RANBP2: variants seen among roughly 807,000 people sequenced by gnomAD.
RANBP2 encodes RAN binding protein 2, also known as E3 SUMO-protein ligase RanBP2.
A neutral mutation model predicts 303.6 loss-of-function variants in RANBP2; 57 were observed. The ratio of observed to expected loss-of-function variants is 0.19; its 90% CI spans 0.15 to 0.23. The LOEUF (loss-of-function observed/expected upper bound fraction) is 0.23. RANBP2 is among the 10% of genes least tolerant of loss of function. The probability of loss-of-function intolerance (pLI) is 1.00; values close to 1 mark genes in which losing one functional copy is unlikely to be tolerated. For missense variants in RANBP2, 3,138 were observed against 3,780.8 expected, an observed-to-expected ratio of 0.83 and a Z score of 4.46; for synonymous variants, 1,167 against 1,301.5, an observed-to-expected ratio of 0.90 and a Z score of 2.23.
chr2:109,401,953 GA>G, the RANBP2 span, among the ~76,000 whole-genome samples: 1 of 152,224 alleles, frequency 6.6e-6, no homozygotes, highest in African/African-American at 2.4e-5. Context: ...AGTTCGACTT[GA>G]AGCGAAAGTC....
chr2:109,056,309 G>C, the RANBP2 span, among the ~76,000 whole-genome samples: 4 of 152,300 alleles, frequency 2.6e-5, no homozygotes, highest in East Asian at 7.7e-4. Flanking sequence ...TAGGTCTAGA[G>C]ATGCAGGCCA....
chr2:108,822,685 A>G, the RANBP2 span, among the ~76,000 whole-genome samples: 1 of 152,186 alleles, frequency 6.6e-6, no homozygotes, highest in Non-Finnish European at 1.5e-5. Context: ...TTAAAAACTC[A>G]CTCTACAGCA....
At chr2:109,547,844 A>G in the RANBP2 span, among the ~76,000 whole-genome samples, 9 of 152,340 alleles carry the variant, frequency 5.9e-5, no homozygotes, top group African/African-American at 2.2e-4. Context: ...ATAACAAAAA[A>G]TAGGAAACTC....
At chr2:109,079,356 T>C in the RANBP2 span, among the ~76,000 whole-genome samples, 1 of 152,206 alleles carries the variant, frequency 6.6e-6, no homozygotes, top group African/African-American at 2.4e-5. Context: ...TGACTGTTTG[T>C]GTTATCTGCA....
intron 28 of RANBP2, among the ~76,000 whole-genome samples, chr2:108,783,071 A>T (rs1303235311): frequency 6.6e-6 from 1 of 152,046 alleles, no homozygotes; most frequent in Non-Finnish European, 1.5e-5. Flanking sequence ...GGGCACAATG[A>T]CTCATACCTG....
At chr2:109,492,490 C>A in the RANBP2 span, among the ~76,000 whole-genome samples, 1 of 152,178 alleles carries the variant, frequency 6.6e-6, no homozygotes, top group Non-Finnish European at 1.5e-5. Flanking sequence ...TCAGAACACT[C>A]AGCAGTGGGC....
the RANBP2 span, among the ~76,000 whole-genome samples, chr2:109,534,449 A>T: frequency 6.6e-6 from 1 of 152,190 alleles, no homozygotes; most frequent in Non-Finnish European, 1.5e-5. Flanking sequence ...AGGACAACAG[A>T]ATAAGCAATA....
At chr2:108,866,937 C>T in the RANBP2 span, among the ~76,000 whole-genome samples, 3 of 151,258 alleles carry the variant, frequency 2.0e-5, no homozygotes, top group African/African-American at 7.3e-5. Context: ...TTCCCTTTTC[C>T]TCCCCTGTAT....
the RANBP2 span, among the ~76,000 whole-genome samples, chr2:108,880,160 T>TA: frequency 7.3e-6 from 1 of 137,798 alleles, no homozygotes; most frequent in African/African-American, 2.9e-5. Flanking sequence ...GAAAAGATAA[T>TA]AAAATTAATA....
At chr2:109,278,799 G>A in the RANBP2 span, among the ~76,000 whole-genome samples, 1 of 152,214 alleles carries the variant, frequency 6.6e-6, no homozygotes, top group African/African-American at 2.4e-5. Flanking sequence ...CCTGTATCTT[G>A]TTTGTGGGTA....
the RANBP2 span, among the ~76,000 whole-genome samples, chr2:109,547,913 T>C: frequency 6.6e-6 from 1 of 152,156 alleles, no homozygotes; most frequent in African/African-American, 2.4e-5. Flanking sequence ...CTGTTACAGG[T>C]GCAAAAGAGA....
the RANBP2 span, among the ~76,000 whole-genome samples, chr2:108,941,149 G>A: frequency 2.6e-5 from 4 of 152,234 alleles, no homozygotes; most frequent in South Asian, 2.1e-4. Context: ...ATGCGTCTGC[G>A]TTGTGGGAAT....
At chr2:109,220,473 A>G in the RANBP2 span, among the ~76,000 whole-genome samples, 3 of 152,366 alleles carry the variant, frequency 2.0e-5, no homozygotes, top group Middle Eastern at 3.4e-3. Flanking sequence ...GGATACCATC[A>G]AGAGAGTGAA....
At chr2:109,233,703 C>A in the RANBP2 span, among the ~76,000 whole-genome samples, 2 of 152,232 alleles carry the variant, frequency 1.3e-5, no homozygotes, top group Non-Finnish European at 2.9e-5. Flanking sequence ...ATCCTTTTGG[C>A]TCGGAATATT....
At chr2:108,853,934 TTA>T in the RANBP2 span, among the ~76,000 whole-genome samples, 1 of 122,874 alleles carries the variant, frequency 8.1e-6, no homozygotes, top group Non-Finnish European at 1.6e-5. Flanking sequence ...TATATATAAT[TTA>T]TATATAATAT....
chr2:108,860,238 CTT>C, the RANBP2 span, among the ~76,000 whole-genome samples: 1 of 151,924 alleles, frequency 6.6e-6, no homozygotes, highest in African/African-American at 2.4e-5. Context: ...GTCTGGGAGT[CTT>C]TTGGCAAGAT....
At chr2:109,115,590 C>T in the RANBP2 span, among the ~76,000 whole-genome samples, 209 of 152,286 alleles carry the variant, frequency 1.4e-3, 1 homozygote, top group Middle Eastern at 3.4e-3. Context: ...ATCCAATTTG[C>T]CAGTCTGTGT....
the RANBP2 span, among the ~76,000 whole-genome samples, chr2:109,000,731 A>G: frequency 6.6e-6 from 1 of 152,178 alleles, no homozygotes; most frequent in Admixed American, 6.5e-5. Flanking sequence ...GGCATTTCCC[A>G]TGAGCCAGGC....
intron 23 of RANBP2, among the ~76,000 whole-genome samples, chr2:108,775,388 T>C (rs1677808381): frequency 1.3e-5 from 2 of 152,206 alleles, no homozygotes; most frequent in Admixed American, 1.3e-4. Context: ...TTGCTGACAT[T>C]GTGCCATTGG....
Sources: allele counts gnomAD v4.1 joint callset (sites outside exome capture counted in the v4.1 genomes callset), GRCh38; gene constraint gnomAD v4.1.1; transcripts MANE v1.5; gene names NCBI Gene and HGNC (gene_info 2026-07-23, HGNC 2026-07-21).